AGPAT4: variants seen among roughly 807,000 people sequenced by gnomAD.
The protein encoded by AGPAT4 is 1-acylglycerol-3-phosphate O-acyltransferase 4, also known as 1-acyl-sn-glycerol-3-phosphate acyltransferase delta.
In AGPAT4, 15 loss-of-function variants were observed where a neutral mutation model predicts 48.0. The observed-to-expected ratio is 0.31, with a 90% CI of 0.21 to 0.48. The LOEUF (loss-of-function observed/expected upper bound fraction) is 0.48. Among genes scored for constraint, AGPAT4 ranks in the 20% least tolerant of loss-of-function variants. The pLI, the probability that AGPAT4 is intolerant of heterozygous loss-of-function variation, is 0.99. For synonymous variants in AGPAT4, 178 were observed against 198.7 expected, an observed-to-expected ratio of 0.90 and a Z score of 0.88; for missense variants, 314 against 482.5, an observed-to-expected ratio of 0.65 and a Z score of 3.27.
In AGPAT4 at chr6:161,137,689, C is replaced by T. The variant is rs972781503; in HGVS notation, c.1043-1055G>A. On this transcript the variant is annotated intron_variant, in intron 8 of 8. Transcript: ENST00000320285. The surrounding 1 kb of genome is among the most constrained non-coding windows in gnomAD (Gnocchi z 6.1). ...CTTCAGGGAAGAATGCAGTCAGGCG[C>T]AGGCTCAGAGTAATGGGGCACGGCA... Among the ~76,000 whole-genome samples, 16 of 152,186 alleles carry T rather than the reference C, an allele frequency of 1.1e-4. No individual in the cohort carries two copies. Among genetic ancestry groups the T allele is most frequent in the African/African-American group, 3.9e-4 (16 of 41,438 alleles).
In AGPAT4 at chr6:161,133,400, G is replaced by C. The variant is rs1778964580; in HGVS notation, c.*3140C>G. Reference sequence around the variant, plus strand: ...TTTGTTTAGAGGATATTGCAGTCGAGATATTCCAGTACTACTGTGTGATCA... The same window carrying C: ...TTTGTTTAGAGGATATTGCAGTCGACATATTCCAGTACTACTGTGTGATCA... On this transcript the variant is annotated 3_prime_UTR_variant, in exon 9 of 9. Coordinates refer to ENST00000320285, the MANE Select transcript of AGPAT4 (RefSeq NM_020133.3). 1 of 152,200 alleles carries C rather than the reference G, an allele frequency of 6.6e-6. No homozygotes were observed. The highest frequency in any genetic ancestry group is 2.4e-5 in the African/African-American group (1 of 41,446). 9.4% of individuals were successfully genotyped at this position (152,200 alleles called of 1,614,324 possible).
rs1158477072 is a variant in AGPAT4, at chr6:161,154,512, G to A, written c.349-202C>T. Among the ~76,000 whole-genome samples the A allele has an allele frequency of 1.3e-5, 2 of 152,182 alleles. No homozygotes were observed. The highest frequency in any genetic ancestry group is 2.9e-5 in the Non-Finnish European group (2 of 68,028). ...TAGAGGTCCAGGTTGTGCTTGCCCT[G>A]CCAGTGTGGGAGCAGGGGGCAGGGG... On this transcript the variant is annotated intron_variant, in intron 3 of 8. Transcript: ENST00000320285. The surrounding 1 kb of genome is among the most constrained non-coding windows in gnomAD (Gnocchi z 7.8).
chr6:161,160,786 T>C (rs1779905616), intron 3 of AGPAT4: 1 of 347,356 alleles, frequency 2.9e-6, no homozygotes, highest in African/African-American at 2.1e-5. Context: ...CCTTCCCAGT[T>C]TCTCTTCTGA....
rs1269528627 is a variant in AGPAT4, at chr6:161,154,761, G to T, written c.349-451C>A. ...GATATTACAAAATATAGTAATTCTT[G>T]ATCGCTGAAAATGTCAAACGCTAGA... is the stretch of plus-strand genomic sequence containing the variant. On this transcript the variant is annotated intron_variant, in intron 3 of 8. Transcript: ENST00000320285. The surrounding 1 kb of genome is among the most constrained non-coding windows in gnomAD (Gnocchi z 7.8). Among the ~76,000 whole-genome samples the T allele has an allele frequency of 6.6e-6, 1 of 152,214 alleles. No individual in the cohort carries two copies. The highest frequency in any genetic ancestry group is 6.5e-5 in the Admixed American group (1 of 15,288).
chr6:161,167,964 A>T (rs190913472), intron 2 of AGPAT4, among the ~76,000 whole-genome samples: 28 of 152,222 alleles, frequency 1.8e-4, no homozygotes, highest in Non-Finnish European at 3.4e-4. Flanking sequence ...TTCCTTCTCC[A>T]GAAATGAACA....
rs553475183 is a variant in AGPAT4 at position 161,149,896 on chromosome 6, G to C, written c.665-607C>G. On this transcript the variant is annotated intron_variant, in intron 5 of 8. Transcript: ENST00000320285. This position sits in a 1 kb window ranked among gnomAD's most constrained non-coding sequence, Gnocchi z 6.5. ...TCAGGTCTAGAGGTACTACGACGATGATTTGTAACTTTCTAATGTGCCCAG... is the reference window on the plus strand; with the variant it reads ...TCAGGTCTAGAGGTACTACGACGATCATTTGTAACTTTCTAATGTGCCCAG... Among the ~76,000 whole-genome samples the C allele has an allele frequency of 8.5e-5, 13 of 152,286 alleles. No individual in the cohort carries two copies. In the South Asian group the frequency reaches 2.5e-3, roughly 29 times the overall value.
chr6:161,205,672 A>C lies in AGPAT4; in HGVS notation c.178+26364T>G, dbSNP rs576700499. ...GTATACAACTTCCCACTGGAAGATC[A>C]CAAAATATCAAAACACCAAGTTGAA... is the stretch of plus-strand genomic sequence containing the variant. On this transcript the variant is annotated intron_variant, in intron 2 of 8. Transcript: ENST00000320285. Among the ~76,000 whole-genome samples, 4 of 152,248 alleles carry C rather than the reference A, an allele frequency of 2.6e-5. No homozygotes were observed. The South Asian group carries it at 8.3e-4, about 32-fold the overall frequency.
At chr6:161,173,429 G>A (rs1357288473) in intron 2 of AGPAT4, among the ~76,000 whole-genome samples, 2 of 152,218 alleles carry the variant, frequency 1.3e-5, no homozygotes, top group African/African-American at 2.4e-5. Flanking sequence ...TCTGTTGGCT[G>A]TATAAATGTC....
At chr6:161,268,122 G>A (rs780852762) in intron 1 of AGPAT4, among the ~76,000 whole-genome samples, 26 of 152,134 alleles carry the variant, frequency 1.7e-4, no homozygotes, top group East Asian at 3.9e-4. Flanking sequence ...AATGGAGCAC[G>A]ATGAGAGTTT....
rs1782744564 is a variant in AGPAT4, at chr6:161,249,335, A to G, written c.-89-17033T>C. Among the ~76,000 whole-genome samples the G allele has an allele frequency of 6.6e-6, 1 of 152,232 alleles. No homozygotes were observed. On this transcript the variant is annotated intron_variant, in intron 1 of 8. Coordinates refer to ENST00000320285, the MANE Select transcript of AGPAT4 (RefSeq NM_020133.3). This position sits in a 1 kb window ranked among gnomAD's most constrained non-coding sequence, Gnocchi z 6.2. ...CAAATGGGATGTAATTAAACTAAAG[A>G]GCTTCTACACAGCAAAGGAAACTAT... is the stretch of plus-strand genomic sequence containing the variant.
intron 1 of AGPAT4, among the ~76,000 whole-genome samples, chr6:161,253,018 A>G (rs896328023): frequency 5.3e-5 from 8 of 151,724 alleles, no homozygotes; most frequent in African/African-American, 1.7e-4. Flanking sequence ...GATCGAGACC[A>G]TCCTGGCCAA....
rs947413456 is a variant in AGPAT4, at chr6:161,219,631, C to T, written c.178+12405G>A. ...CTTTGCGAATTAATTTATTTATAAACCATATGAATAGCTAAGACAACTTGA... is the reference window on the plus strand; with the variant it reads ...CTTTGCGAATTAATTTATTTATAAATCATATGAATAGCTAAGACAACTTGA... On this transcript the variant is annotated intron_variant, in intron 2 of 8. Coordinates refer to ENST00000320285, the MANE Select transcript of AGPAT4 (RefSeq NM_020133.3). This position sits in a 1 kb window ranked among gnomAD's most constrained non-coding sequence, Gnocchi z 4.9. Among the ~76,000 whole-genome samples, 1 of 152,136 alleles carries T rather than the reference C, an allele frequency of 6.6e-6. No homozygotes were observed. The highest frequency in any genetic ancestry group is 1.5e-5 in the Non-Finnish European group (1 of 68,024).
intron 1 of AGPAT4, among the ~76,000 whole-genome samples, chr6:161,258,788 C>T (rs1034446282): frequency 6.7e-6 from 1 of 148,294 alleles, no homozygotes; most frequent in Non-Finnish European, 1.5e-5. Context: ...TATTTTACCA[C>T]AAGCATTTAA....
At position 161,195,284 on chromosome 6, in the gene AGPAT4, GCTTTCC is replaced by G. The variant is rs1781040667; in HGVS notation, c.179-28873_179-28868del. On this transcript the variant is annotated intron_variant, in intron 2 of 8. Transcript: ENST00000320285. The surrounding 1 kb of genome is among the most constrained non-coding windows in gnomAD (Gnocchi z 5.0). ...CACCTATTTTCAGGGTAAGAGTCCA[GCTTTCC>G]CTTTCCAGTGGCAGTCTTCCCAAAA... 6.6e-6 allele frequency among the ~76,000 whole-genome samples: 1 copy of G among 152,152 alleles called. No homozygotes were observed. Among genetic ancestry groups the G allele is most frequent in the African/African-American group, 2.4e-5 (1 of 41,428 alleles).
Position 161,141,455 on chromosome 6 carries a change from C to G in AGPAT4, c.844-1835G>C, listed in dbSNP as rs183020323. On this transcript the variant is annotated intron_variant, in intron 7 of 8. Transcript: ENST00000320285. This position sits in a 1 kb window ranked among gnomAD's most constrained non-coding sequence, Gnocchi z 6.7. ...GCACAGGCAATGCCCAGAGAGGTGG[C>G]ACCCAACTCTGCCAGGGAAGCAGCG... 7.9e-5 allele frequency among the ~76,000 whole-genome samples: 12 copies of G among 152,248 alleles called. No individual in the cohort carries two copies. The highest frequency in any genetic ancestry group is 2.9e-4 in the African/African-American group (12 of 41,552).
rs970517487 is a variant in AGPAT4 at position 161,204,382 on chromosome 6, T to C, written c.178+27654A>G. The stretch of plus-strand genomic sequence containing the variant: ...TTCAAACTGAACCAGTGCCTTATTG[T>C]TTTATTGGATTTAATAGCGATGCAT... On this transcript the variant is annotated intron_variant, in intron 2 of 8. Transcript: ENST00000320285. The surrounding 1 kb of genome is among the most constrained non-coding windows in gnomAD (Gnocchi z 4.4). 6.6e-6 allele frequency among the ~76,000 whole-genome samples: 1 copy of C among 152,206 alleles called. No individual in the cohort carries two copies. Among genetic ancestry groups the C allele is most frequent in the African/African-American group, 2.4e-5 (1 of 41,458 alleles).
At chr6:161,163,637 C>A (rs1780002909) in intron 3 of AGPAT4, among the ~76,000 whole-genome samples, 1 of 152,174 alleles carries the variant, frequency 6.6e-6, no homozygotes, top group Non-Finnish European at 1.5e-5. Flanking sequence ...CTGCCATGTG[C>A]CTGCCCCACT....
chr6:161,247,981 C>CAA lies in AGPAT4; in HGVS notation c.-89-15681_-89-15680dup, dbSNP rs143168079. Among the ~76,000 whole-genome samples the CAA allele has an allele frequency of 9.6e-3, 272 of 28,196 alleles. 35 individuals are homozygous for CAA. The highest frequency in any genetic ancestry group is 0.03 in the African/African-American group (195 of 6,592). 18.5% of individuals were successfully genotyped at this position (28,196 alleles called of 152,430 possible). On this transcript the variant is annotated intron_variant, in intron 1 of 8. Transcript: ENST00000320285. ...TGGGCAACAGAGTAAGACTCTGTCTCAAAAAAAAAAAAAAAAAAAAAAAAA... is the reference window on the plus strand; with the variant it reads ...TGGGCAACAGAGTAAGACTCTGTCTCAAAAAAAAAAAAAAAAAAAAAAAAAAA...
chr6:161,153,986 T>C (rs781699949), intron 4 of AGPAT4, 163 bp downstream of exon 4: 203 of 926,836 alleles, frequency 2.2e-4, no homozygotes, highest in Non-Finnish European at 2.9e-4. Context: ...CACGGCCCCA[T>C]GGTCACATAC....
Sources: gnomAD v4.1 joint callset for allele counts (sites outside exome capture counted in the v4.1 genomes callset) on GRCh38, gnomAD v4.1.1 for gene constraint, Gnocchi (gnomAD v3.1) non-coding constraint, MANE v1.5 for transcripts, NCBI Gene and HGNC (gene_info 2026-07-23, HGNC 2026-07-21) for gene names.